The following NAV3 variants were observed in gnomAD, a reference collection of about 807,000 sequenced individuals.
The protein encoded by NAV3 is pore membrane and/or filament interacting like protein 1.
In NAV3, 87 loss-of-function variants were observed where a neutral mutation model predicts 244.7. The observed-to-expected ratio is 0.36, with a 90% CI of 0.30 to 0.42. NAV3 has a LOEUF of 0.42. Among genes scored for constraint, NAV3 ranks in the 20% least tolerant of loss-of-function variants. The pLI is 1.00. For missense variants in NAV3, 2,663 were observed against 2,893.3 expected (o/e 0.92, Z 1.83); for synonymous variants, 1,126 against 1,042.2 (o/e 1.08, Z -1.55).
intron 12 of NAV3, among the ~76,000 whole-genome samples, chr12:78,064,426 T>TCTGTCTGTCTGTCTGTCTGTCTGCCTGC (rs66686266): frequency 7.3e-6 from 1 of 136,194 alleles, no homozygotes; most frequent in African/African-American, 2.7e-5. Context: ...TGTCTGTCTG[T>TCTGTCTGTCTGTCTGTCTGTCTGCCTGC]CTGCCTGCCT....
intron 2 of NAV3, among the ~76,000 whole-genome samples, chr12:77,822,075 G>C (rs1872766121): frequency 6.6e-6 from 1 of 152,080 alleles, no homozygotes; most frequent in African/African-American, 2.4e-5. Context: ...AACATGCAAT[G>C]CCATTCCAAA....
chr12:77,620,815 CA>C (rs945468566), intron 2 of NAV3, among the ~76,000 whole-genome samples: 2 of 151,976 alleles, frequency 1.3e-5, no homozygotes, highest in Admixed American at 6.6e-5. Context: ...TGAAAGAGTA[CA>C]AAAAGACAAT....
At chr12:78,181,119 G>A (rs1423803157) in intron 30 of NAV3, 74 bp downstream of exon 30, 33 of 1,384,220 alleles carry the variant, frequency 2.4e-5, no homozygotes, top group Non-Finnish European at 2.7e-5. Context: ...GGAATTTGGA[G>A]AACTTTACGT....
chr12:77,823,106 C>T (rs1025887715), intron 2 of NAV3, among the ~76,000 whole-genome samples: 1 of 152,118 alleles, frequency 6.6e-6, no homozygotes, highest in Admixed American at 6.5e-5. Context: ...TGCTAGTTGA[C>T]TTCCTGGAGG....
intron 5 of NAV3, among the ~76,000 whole-genome samples, chr12:77,977,689 TACACACACACACACACACACGCGC>T (rs1565980619): frequency 7.0e-6 from 1 of 141,940 alleles, no homozygotes; most frequent in South Asian, 2.2e-4. Flanking sequence ...GATATATATA[TACACACACACACACACACACGCGC>T]ACACACACAC....
chr12:78,015,296 A>T (rs887629311), intron 8 of NAV3, among the ~76,000 whole-genome samples: 1 of 152,090 alleles, frequency 6.6e-6, no homozygotes, highest in Non-Finnish European at 1.5e-5. Flanking sequence ...TTCACCAAAG[A>T]TGGTCACTTT....
chr12:77,609,205 C>T (rs573086134), intron 2 of NAV3, among the ~76,000 whole-genome samples: 4 of 152,052 alleles, frequency 2.6e-5, no homozygotes, highest in African/African-American at 9.6e-5. Context: ...AGAATCAAAA[C>T]CAAAACCAAA....
At chr12:78,138,989 A>T (rs1956491601) in intron 19 of NAV3, among the ~76,000 whole-genome samples, 1 of 152,222 alleles carries the variant, frequency 6.6e-6, no homozygotes, top group African/African-American at 2.4e-5. Flanking sequence ...TTCTAAGGTC[A>T]TAAACAGAAA....
At chr12:77,886,612 C>T (rs1227606571) in intron 1 of NAV3, among the ~76,000 whole-genome samples, 1 of 152,082 alleles carries the variant, frequency 6.6e-6, no homozygotes, top group Non-Finnish European at 1.5e-5. Context: ...GATAGAGCCC[C>T]CATTTTTTTC....
At chr12:77,578,565 C>G (rs1225840885) in intron 2 of NAV3, among the ~76,000 whole-genome samples, 1 of 152,148 alleles carries the variant, frequency 6.6e-6, no homozygotes, top group African/African-American at 2.4e-5. Flanking sequence ...TTCTGGTATT[C>G]ATATTTGTTT....
intron 8 of NAV3, among the ~76,000 whole-genome samples, chr12:78,014,839 A>G (rs771782331): frequency 6.6e-6 from 1 of 152,112 alleles, no homozygotes; most frequent in African/African-American, 2.4e-5. Flanking sequence ...AATATACCAC[A>G]GTAATGGTTT....
intron 2 of NAV3, among the ~76,000 whole-genome samples, chr12:77,684,842 G>A (rs1874641194): frequency 6.6e-6 from 1 of 151,922 alleles, no homozygotes; most frequent in Non-Finnish European, 1.5e-5. Context: ...TATGGCCTGA[G>A]GTATAAATCA....
At chr12:77,573,422 T>G (rs1329846325) in intron 2 of NAV3, among the ~76,000 whole-genome samples, 1 of 152,210 alleles carries the variant, frequency 6.6e-6, no homozygotes. Context: ...TTGTGCAGTG[T>G]CAGTAAATCT....
At chr12:78,122,790 A>G (rs1285467414) in intron 16 of NAV3, among the ~76,000 whole-genome samples, 1 of 152,166 alleles carries the variant, frequency 6.6e-6, no homozygotes, top group Non-Finnish European at 1.5e-5. Context: ...AAGCATTTTG[A>G]AAGACCAAAT....
chr12:77,974,479 G>A (rs1168602241), intron 5 of NAV3, among the ~76,000 whole-genome samples: 1 of 148,928 alleles, frequency 6.7e-6, no homozygotes, highest in Non-Finnish European at 1.5e-5. Flanking sequence ...TGTAATTTTT[G>A]TGGAGACATG....
chr12:78,161,712 T>C (rs1226516261), intron 23 of NAV3, among the ~76,000 whole-genome samples: 2 of 152,056 alleles, frequency 1.3e-5, no homozygotes, highest in Non-Finnish European at 2.9e-5. Flanking sequence ...TAACTGAAAA[T>C]AAAATCACTT....
chr12:78,024,759 C>T (rs918943380), intron 9 of NAV3, among the ~76,000 whole-genome samples: 17 of 151,954 alleles, frequency 1.1e-4, no homozygotes, highest in African/African-American at 3.1e-4. Flanking sequence ...GGGCAGATCA[C>T]GAGGTCAGGA....
intron 2 of NAV3, among the ~76,000 whole-genome samples, chr12:77,626,851 T>A (rs749408545): frequency 3.6e-4 from 54 of 152,004 alleles, no homozygotes; most frequent in Non-Finnish European, 6.9e-4. Context: ...ATATCTAATA[T>A]AATGAAAACA....
chr12:78,064,931 G>C (rs1884830127), intron 12 of NAV3, among the ~76,000 whole-genome samples: 1 of 152,072 alleles, frequency 6.6e-6, no homozygotes, highest in South Asian at 2.1e-4. Flanking sequence ...GAAGCCAAGA[G>C]TCTGGACTCT....
Sources: gnomAD v4.1 joint callset for allele counts (sites outside exome capture counted in the v4.1 genomes callset) on GRCh38, gnomAD v4.1.1 for gene constraint, MANE v1.5 for transcripts, NCBI Gene and HGNC (gene_info 2026-07-23, HGNC 2026-07-21) for gene names.